Variants in ARL5C observed in about 807,000 individuals in gnomAD.
ARL5C encodes putative ADP-ribosylation factor-like protein 5C.
A neutral mutation model predicts 20.8 loss-of-function variants in ARL5C; 21 were observed. That is an observed-to-expected ratio of 1.01 (90% CI 0.72 to 1.46). The LOEUF (loss-of-function observed/expected upper bound fraction) is 1.46. Among genes scored for constraint, ARL5C ranks in the 40% most tolerant of loss-of-function variants. The probability of loss-of-function intolerance (pLI) is 0.00; values close to 1 mark genes in which losing one functional copy is unlikely to be tolerated. For missense variants in ARL5C, 199 were observed against 225.1 expected (o/e 0.88, Z 0.74); for synonymous variants, 71 against 81.6 (o/e 0.87, Z 0.70).
intron 4 of ARL5C, 63 bp downstream of exon 4, chr17:39,161,205 G>A (rs1472572387): frequency 4.1e-6 from 6 of 1,454,528 alleles, no homozygotes; most frequent in Non-Finnish European, 5.7e-6. Context: ...GAGAAGCTAA[G>A]TGACCAGCCT....
chr17:39,161,208 A>G (rs912552813), intron 4 of ARL5C, 60 bp downstream of exon 4: 15 of 1,464,146 alleles, frequency 1.0e-5, no homozygotes, highest in Non-Finnish European at 1.4e-5. Flanking sequence ...AAGCTAAGTG[A>G]CCAGCCTGAG....
downstream of ARL5C, chr17:39,156,852 A>G (rs757085679): frequency 1.3e-6 from 2 of 1,551,024 alleles, no homozygotes; most frequent in Non-Finnish European, 1.7e-6. Context: ...CATGTTGACC[A>G]TGCAAAACCC....
chr17:39,157,145 A>G (rs1219827470), intron 5 of ARL5C, among the ~76,000 whole-genome samples: 1 of 152,258 alleles, frequency 6.6e-6, no homozygotes, highest in East Asian at 1.9e-4. Context: ...AAATGCAGAC[A>G]TGCCCCTGAG....
At chr17:39,156,806 ATAGAAAAG>A, downstream of ARL5C, 1 of 1,464,838 alleles carries the variant, frequency 6.8e-7, no homozygotes, top group South Asian at 1.2e-5. Context: ...CTAGAGAACC[ATAGAAAAG>A]TAATAAATAG....
At chr17:39,162,493 G>A (rs565444092) in intron 3 of ARL5C, among the ~76,000 whole-genome samples, 2 of 152,216 alleles carry the variant, frequency 1.3e-5, no homozygotes, top group Admixed American at 1.3e-4. Context: ...TAGAGGTGGG[G>A]TTTTGCCATG....
chr17:39,156,960 C>A lies in ARL5C; in HGVS notation c.492-18G>T, dbSNP rs1159492068. On this transcript the variant is annotated intron_variant, in intron 5 of 5. Transcript: ENST00000269586. ...CAGGCAGCCTGCAGGGAGGAAGGAA[C>A]AGGAGGGGTCAGCCTAACCCAAGAG... 1.3e-6 allele frequency: 2 copies of A among 1,551,814 alleles called. No homozygotes were observed. The highest frequency in any genetic ancestry group is 2.4e-5 in the East Asian group (1 of 41,064).
Position 39,160,649 on chromosome 17 carries a change from TGA to T in ARL5C, c.431_432del (p.Leu144GlnfsTer35), listed in dbSNP as rs2045429544. The part of the protein sequence containing the change: ...RMVEISHFLT[L>X]STIKDHSWHI... ...TGCCACGAGTGGTCTTTGATGGTGC[TGA>T]GAGTAAGGAAATGGGAGATCTCCAC... On this transcript the variant is annotated frameshift_variant, in exon 5 of 6. Transcript: ENST00000269586. LOFTEE classifies it high-confidence loss of function. 4 of 1,548,722 alleles carry T rather than the reference TGA, an allele frequency of 2.6e-6. No individual in the cohort carries two copies. The East Asian group carries it at 9.8e-5, about 38-fold the overall frequency.
Position 39,160,719 on chromosome 17 carries a change from C to G in ARL5C, c.363G>C (p.Leu121=). The G allele has an allele frequency of 6.4e-7, 1 of 1,551,716 alleles. No individual in the cohort carries two copies. Residue 121 remains leucine (L), a synonymous_variant, in exon 5 of 6, where the codon CTG becomes CTC. Coordinates refer to ENST00000269586, the MANE Select transcript of ARL5C (RefSeq NM_001143968.1). The part of the protein sequence containing the change: ...AHEALQDASV[L]IFANKQDVKD... The stretch of plus-strand genomic sequence containing the variant: ...TCACGTCCTGCTTATTGGCAAATAT[C>G]AGGACTGAAGCATCCTGTAGAGCCT...
At position 39,157,982 on chromosome 17, in the gene ARL5C, C is replaced by T. The variant is rs139422178; in HGVS notation, c.492-1040G>A. ...GCGTGGTGGCTCACGCCTGTAATCC[C>T]GGCTACTCGGGAGGCTGAGGCAGGA... On this transcript the variant is annotated intron_variant, in intron 5 of 5. Coordinates refer to ENST00000269586, the MANE Select transcript of ARL5C (RefSeq NM_001143968.1). 4.7e-3 allele frequency among the ~76,000 whole-genome samples: 712 copies of T among 152,088 alleles called. 4 individuals carry two copies. Among genetic ancestry groups the T allele is most frequent in the African/African-American group, 0.016 (683 of 41,488 alleles).
Position 39,165,896 on chromosome 17 carries a change from A to G in ARL5C, c.-136T>C. The G allele has an allele frequency of 1.0e-6, 1 of 979,716 alleles. No individual in the cohort carries two copies. The highest frequency in any genetic ancestry group is 1.5e-6 in the Non-Finnish European group (1 of 652,626). 60.7% of individuals were successfully genotyped at this position (979,716 alleles called of 1,614,324 possible). Reference sequence around the variant, plus strand: ...CGAAGTTAGGGAAGCCCCACACGTCACCAACCTGACCTGGGAACCCTCTGG... The same window carrying G: ...CGAAGTTAGGGAAGCCCCACACGTCGCCAACCTGACCTGGGAACCCTCTGG... On this transcript the variant is annotated 5_prime_UTR_variant, in exon 1 of 6. Coordinates refer to ENST00000269586, the MANE Select transcript of ARL5C (RefSeq NM_001143968.1).
At chr17:39,158,095 C>A (rs553029089) in intron 5 of ARL5C, among the ~76,000 whole-genome samples, 2 of 123,256 alleles carry the variant, frequency 1.6e-5, no homozygotes, top group East Asian at 5.5e-4. Flanking sequence ...AAGTGGCCGT[C>A]GAAGAAAGGG....
At chr17:39,161,949 G>A (rs1045803272) in intron 3 of ARL5C, among the ~76,000 whole-genome samples, 4 of 152,150 alleles carry the variant, frequency 2.6e-5, no homozygotes, top group Admixed American at 6.6e-5. Flanking sequence ...GGTACTGTTA[G>A]TATCCCCATT....
At chr17:39,161,801 C>A (rs2045436794) in intron 3 of ARL5C, among the ~76,000 whole-genome samples, 1 of 152,120 alleles carries the variant, frequency 6.6e-6, no homozygotes, top group Non-Finnish European at 1.5e-5. Flanking sequence ...ACCAGGTGTG[C>A]TGCCACACCT....
chr17:39,160,453 GGAGATGCCAAAT>G (rs1242040067), intron 5 of ARL5C, 126 bp downstream of exon 5: 2 of 1,007,260 alleles, frequency 2.0e-6, no homozygotes, highest in African/African-American at 3.2e-5. Context: ...TCACCTGTGG[GGAGATGCCAAAT>G]TGGCTTGGCC....
In ARL5C at chr17:39,161,330, T is replaced by C. The variant is rs2144045006; in HGVS notation, c.277A>G (p.Ser93Gly). The change falls in exon 4 of 6, where the codon AGC (serine) becomes GGC (glycine). Residue 93 changes from serine to glycine, a missense_variant. Physicochemically the swap from Ser to Gly is moderately conservative, Grantham distance 56 (BLOSUM62 0). Coordinates refer to ENST00000269586, the MANE Select transcript of ARL5C (RefSeq NM_001143968.1). ...GTCAGCAGCCGATCCCGGTCCGTGC[T>C]GTCAATCACAAGGATGATAAACTGG... ...NTEFIILVID[S>G]TDRDRLLTTR... The C allele has an allele frequency of 6.4e-7, 1 of 1,551,952 alleles. No homozygotes were observed. Among genetic ancestry groups the C allele is most frequent in the Non-Finnish European group, 8.7e-7 (1 of 1,147,032 alleles).
intron 5 of ARL5C, 137 bp downstream of exon 5, chr17:39,160,454 G>A (rs2045428601): frequency 9.7e-7 from 1 of 1,031,216 alleles, no homozygotes; most frequent in African/African-American, 1.6e-5. Context: ...CACCTGTGGG[G>A]AGATGCCAAA....
At chr17:39,158,345 G>A (rs1359769085) in intron 5 of ARL5C, among the ~76,000 whole-genome samples, 1 of 152,174 alleles carries the variant, frequency 6.6e-6, no homozygotes, top group African/African-American at 2.4e-5. Flanking sequence ...AGGCGTGGTA[G>A]CTCACTCATG....
intron 1 of ARL5C, chr17:39,165,506 C>T (rs540075726): frequency 4.8e-6 from 3 of 630,990 alleles, no homozygotes; most frequent in Non-Finnish European, 5.4e-6. Flanking sequence ...GGAGGGTCGC[C>T]CAGCTTTGCG....
chr17:39,158,615 C>CA (rs35435843), intron 5 of ARL5C, among the ~76,000 whole-genome samples: 8,555 of 123,636 alleles, frequency 0.069, 312 homozygotes, highest in Non-Finnish European at 0.1. Flanking sequence ...GACCCTGCCT[C>CA]AAAAAAAAAA....
Sources: gnomAD v4.1 joint callset for allele counts (sites outside exome capture counted in the v4.1 genomes callset) on GRCh38, gnomAD v4.1.1 for gene constraint, MANE v1.5 for transcripts, NCBI Gene and HGNC (gene_info 2026-07-23, HGNC 2026-07-21) for gene names.